The following ZFYVE16 variants were observed in gnomAD, a reference collection of about 807,000 sequenced individuals.
ZFYVE16 encodes zinc finger FYVE domain-containing protein 16.
In ZFYVE16, 89 loss-of-function variants were observed where a neutral mutation model predicts 138.1. The ratio of observed to expected loss-of-function variants is 0.64; its 90% CI spans 0.54 to 0.77. The LOEUF is 0.77. Among genes scored for constraint, ZFYVE16 ranks in the 30% least tolerant of loss-of-function variants. The pLI is 0.00. For synonymous variants in ZFYVE16, 596 were observed against 618.3 expected (o/e 0.96, Z 0.53); for missense variants, 1,793 against 1,786.7 (o/e 1.00, Z -0.06).
chr5:80,444,520 A>T lies in ZFYVE16; in HGVS notation c.2582-743A>T, dbSNP rs56766884. Reference sequence around the variant, plus strand: ...TAACCTTCCTCTATGGATGCTTTGTAAGAAAAGAGAAAAATGTTTATGCTG... The same window carrying T: ...TAACCTTCCTCTATGGATGCTTTGTTAGAAAAGAGAAAAATGTTTATGCTG... On this transcript the variant is annotated intron_variant, in intron 6 of 18. Coordinates refer to ENST00000505560, the MANE Select transcript of ZFYVE16 (RefSeq NM_001284236.3). Among the ~76,000 whole-genome samples, 1,385 of 151,870 alleles carry T rather than the reference A, an allele frequency of 9.1e-3. 24 individuals are homozygous for T. Among genetic ancestry groups the T allele is most frequent in the African/African-American group, 0.033 (1,351 of 41,442 alleles).
In ZFYVE16 at chr5:80,452,429, G is replaced by A. The variant is rs1213222274; in HGVS notation, c.3607+720G>A. On this transcript the variant is annotated intron_variant, in intron 11 of 18. Coordinates refer to ENST00000505560, the MANE Select transcript of ZFYVE16 (RefSeq NM_001284236.3). ...AGCCAGGGTGACAGAGCAAGACTACGTCTCAAAAAAAAAAAAAAAAAAAAA... is the reference window on the plus strand; with the variant it reads ...AGCCAGGGTGACAGAGCAAGACTACATCTCAAAAAAAAAAAAAAAAAAAAA... 1.2e-4 allele frequency: 8 copies of A among 69,248 alleles called. No individual in the cohort carries two copies. In the Admixed American group the frequency reaches 1.3e-3, roughly 11 times the overall value. 4.3% of individuals were successfully genotyped at this position (69,248 alleles called of 1,614,324 possible). A position where few individuals can be genotyped will look rare whatever the true frequency, so the allele number is the denominator to read the frequency against.
In ZFYVE16 at chr5:80,414,971, C is replaced by T. The variant is rs538378833; in HGVS notation, c.-94+6818C>T. ...GAGTTTTTCATTCATGTGTTGGGCC[C>T]CAAATGGGCCCTTTCCATTTGGAGA... On this transcript the variant is annotated intron_variant, in intron 1 of 18. Transcript: ENST00000505560. Among the ~76,000 whole-genome samples the T allele has an allele frequency of 4.6e-5, 7 of 152,274 alleles. No homozygotes were observed. The East Asian group carries it at 1.2e-3, about 25-fold the overall frequency.
Position 80,443,167 on chromosome 5 carries a change from AAGTCTAATC to A in ZFYVE16, c.2466_2474del (p.Lys822_His825delinsAsn). ...GATGAGTCCAACTGGTTCTAATCTT[AAGTCTAATC>A]ATTCTGATGAATGTACTACTGTCCA... is the stretch of plus-strand genomic sequence containing the variant. On this transcript the variant is annotated inframe_deletion, in exon 6 of 19. Coordinates refer to ENST00000505560, the MANE Select transcript of ZFYVE16 (RefSeq NM_001284236.3). The A allele has an allele frequency of 6.3e-7, 1 of 1,599,368 alleles. No individual in the cohort carries two copies. Among genetic ancestry groups the A allele is most frequent in the Non-Finnish European group, 8.5e-7 (1 of 1,176,528 alleles).
At chr5:80,424,915 G>A (rs1286017708) in intron 1 of ZFYVE16, among the ~76,000 whole-genome samples, 2 of 152,220 alleles carry the variant, frequency 1.3e-5, no homozygotes, top group African/African-American at 4.8e-5. Flanking sequence ...CTTCTGAAGT[G>A]TACCTGTTAG....
chr5:80,466,289 T>TG (rs1580345863), intron 15 of ZFYVE16, among the ~76,000 whole-genome samples: 1 of 152,180 alleles, frequency 6.6e-6, no homozygotes, highest in Non-Finnish European at 1.5e-5. Context: ...TTTTTCTTCT[T>TG]TTTTCTTTCT....
rs1407640756 is a variant in ZFYVE16 at position 80,443,818 on chromosome 5, C to G, written c.2581+534C>G. On this transcript the variant is annotated intron_variant, in intron 6 of 18. Coordinates refer to ENST00000505560, the MANE Select transcript of ZFYVE16 (RefSeq NM_001284236.3). ...GTGCCTGCTATTGGAAAAAGCTGAC[C>G]AAAGCCAGTAACAAGAGAGTCTGGG... 3 of 456,066 alleles carry G rather than the reference C, an allele frequency of 6.6e-6. No homozygotes were observed. In the East Asian group the frequency reaches 2.1e-4, roughly 32 times the overall value. 28.3% of individuals were successfully genotyped at this position (456,066 alleles called of 1,614,324 possible). A position where few individuals can be genotyped will look rare whatever the true frequency, so the allele number is the denominator to read the frequency against.
At chr5:80,413,151 G>A (rs181266703) in intron 1 of ZFYVE16, among the ~76,000 whole-genome samples, 1 of 150,928 alleles carries the variant, frequency 6.6e-6, no homozygotes, top group East Asian at 2.0e-4. Flanking sequence ...AGTCCAACTT[G>A]CGCAACAGAG....
chr5:80,465,708 C>G (rs896055228), intron 15 of ZFYVE16, among the ~76,000 whole-genome samples: 2 of 150,266 alleles, frequency 1.3e-5, no homozygotes, highest in African/African-American at 4.8e-5. Context: ...TGTGCCTGGC[C>G]TCTACATAGT....
Position 80,439,912 on chromosome 5 carries a change from A to G in ZFYVE16, c.2323-24A>G, listed in dbSNP as rs143176130. 2.7e-3 allele frequency: 4,282 copies of G among 1,587,820 alleles called. 105 individuals are homozygous for G. The African/African-American group carries it at 0.048, about 18-fold the overall frequency. ...TGTAAGTATTCTTGAAACAAAGACA[A>G]ATTTGATATTTTATTCTTTATAGGT... On this transcript the variant is annotated intron_variant, in intron 4 of 18. Coordinates refer to ENST00000505560, the MANE Select transcript of ZFYVE16 (RefSeq NM_001284236.3).
At chr5:80,416,171 A>ATT (rs747684783) in intron 1 of ZFYVE16, among the ~76,000 whole-genome samples, 12 of 131,214 alleles carry the variant, frequency 9.1e-5, no homozygotes, top group Non-Finnish European at 2.0e-4. Context: ...TTTTTTTTTT[A>ATT]TTTTTTTGCG....
Position 80,408,305 on chromosome 5 carries a change from C to G in ZFYVE16, c.-94+152C>G, listed in dbSNP as rs530236236. Reference sequence around the variant, plus strand: ...GCCTGGGCCCCGACCGATTCCTTTTCCGAGCCCCCGGAGCTGGCCGGGGAA... The same window carrying G: ...GCCTGGGCCCCGACCGATTCCTTTTGCGAGCCCCCGGAGCTGGCCGGGGAA... On this transcript the variant is annotated intron_variant, in intron 1 of 18. Transcript: ENST00000505560. Among the ~76,000 whole-genome samples, 4 of 152,348 alleles carry G rather than the reference C, an allele frequency of 2.6e-5. No individual in the cohort carries two copies. In the South Asian group the frequency reaches 8.3e-4, roughly 32 times the overall value.
chr5:80,454,380 C>CA (rs1282034361), intron 11 of ZFYVE16: 1 of 152,200 alleles, frequency 6.6e-6, no homozygotes, highest in Non-Finnish European at 1.5e-5. Flanking sequence ...GCTGCGTTAC[C>CA]AGTAAGGTCT....
chr5:80,421,235 A>G (rs567904940), intron 1 of ZFYVE16, among the ~76,000 whole-genome samples: 9 of 152,226 alleles, frequency 5.9e-5, no homozygotes, highest in African/African-American at 2.2e-4. Flanking sequence ...ATTTTCTCCC[A>G]TTCTGTAGGT....
intron 1 of ZFYVE16, among the ~76,000 whole-genome samples, chr5:80,415,063 T>C (rs533711233): frequency 6.6e-6 from 1 of 152,334 alleles, no homozygotes; most frequent in East Asian, 1.9e-4. Flanking sequence ...CTTCTTTTAT[T>C]AGAATATTAA....
rs368063816 is a variant in ZFYVE16, at chr5:80,438,002, T to C, written c.1317T>C (p.Cys439=). 8.7e-6 allele frequency: 14 copies of C among 1,613,914 alleles called. No individual in the cohort carries two copies. The highest frequency in any genetic ancestry group is 4.5e-5 in the East Asian group (2 of 44,880). ...KENDLLKQEK[C]KSILLQSLIE... ...ATGATCTTTTGAAACAGGAAAAATG[T>C]AAAAGCATACTCCTTCAGTCATTAA... The change falls in exon 4 of 19, where the codon TGT becomes TGC. Residue 439 remains cysteine (C), a synonymous_variant. Transcript: ENST00000505560.
chr5:80,421,548 G>A (rs1747176831), intron 1 of ZFYVE16, among the ~76,000 whole-genome samples: 1 of 152,160 alleles, frequency 6.6e-6, no homozygotes, highest in South Asian at 2.1e-4. Flanking sequence ...TTATTAAATA[G>A]GGAATCCTTT....
At chr5:80,467,701 A>G (rs1387588982) in intron 15 of ZFYVE16, among the ~76,000 whole-genome samples, 1 of 152,196 alleles carries the variant, frequency 6.6e-6, no homozygotes, top group Non-Finnish European at 1.5e-5. Context: ...CTCATTTTCA[A>G]CATAAAATTG....
intron 11 of ZFYVE16, chr5:80,454,533 G>A (rs1036593976): frequency 1.3e-5 from 2 of 150,092 alleles, no homozygotes; most frequent in Admixed American, 1.3e-4. Flanking sequence ...TTGAGACGGA[G>A]TCTCACTCTG....
At chr5:80,435,909 C>G (rs1318834801) in intron 3 of ZFYVE16, 1 of 207,750 alleles carries the variant, frequency 4.8e-6, no homozygotes, top group Non-Finnish European at 1.0e-5. Context: ...GAATTTTTAT[C>G]ACTTTATGAT....
Sources: allele counts gnomAD v4.1 joint callset (sites outside exome capture counted in the v4.1 genomes callset), GRCh38; gene constraint gnomAD v4.1.1; transcripts MANE v1.5; gene names NCBI Gene and HGNC (gene_info 2026-07-23, HGNC 2026-07-21).